GALNTL6: variants seen among roughly 807,000 people sequenced by gnomAD.
GALNTL6 encodes the protein polypeptide N-acetylgalactosaminyltransferase like 6, also known as polypeptide N-acetylgalactosaminyltransferase-like 6.
A neutral mutation model predicts 73.7 loss-of-function variants in GALNTL6; 46 were observed. The observed-to-expected ratio is 0.62, with a 90% CI of 0.49 to 0.80. The LOEUF (loss-of-function observed/expected upper bound fraction) is 0.80. Ranked by LOEUF, GALNTL6 falls within the 30% of genes least tolerant of loss-of-function variation. The pLI is 0.00. For synonymous variants in GALNTL6, 259 were observed against 263.7 expected, an observed-to-expected ratio of 0.98 and a Z score of 0.17; for missense variants, 604 against 755.0, an observed-to-expected ratio of 0.80 and a Z score of 2.34.
chr4:172,553,439 C>G (rs1736035123), intron 5 of GALNTL6, among the ~76,000 whole-genome samples: 1 of 152,112 alleles, frequency 6.6e-6, no homozygotes, highest in African/African-American at 2.4e-5. Context: ...GCCAGTTGTT[C>G]ATAAATGTCT....
At chr4:172,696,791 G>A (rs758216349) in intron 5 of GALNTL6, among the ~76,000 whole-genome samples, 1 of 152,100 alleles carries the variant, frequency 6.6e-6, no homozygotes, top group Non-Finnish European at 1.5e-5. Flanking sequence ...AGCAGCGTGA[G>A]AACAGACTAA....
At chr4:172,705,221 T>TTTTTG (rs1553975294) in intron 5 of GALNTL6, among the ~76,000 whole-genome samples, 1 of 147,362 alleles carries the variant, frequency 6.8e-6, no homozygotes, top group African/African-American at 2.7e-5. Flanking sequence ...CTATTTTTTT[T>TTTTTG]TTGTTTTATG....
intron 5 of GALNTL6, among the ~76,000 whole-genome samples, chr4:172,514,314 G>C (rs767292590): frequency 6.6e-6 from 1 of 152,138 alleles, no homozygotes; most frequent in Non-Finnish European, 1.5e-5. Context: ...TATGTTCCCA[G>C]GGGGATTATG....
chr4:172,865,713 C>T (rs146039246), intron 7 of GALNTL6, among the ~76,000 whole-genome samples: 7 of 152,230 alleles, frequency 4.6e-5, no homozygotes, highest in South Asian at 2.1e-4. Flanking sequence ...GCTTCTGTCA[C>T]GTGATTTTGT....
intron 5 of GALNTL6, among the ~76,000 whole-genome samples, chr4:172,758,331 T>G (rs1169146098): frequency 1.3e-5 from 2 of 152,186 alleles, no homozygotes. Flanking sequence ...GGTCAGGAGT[T>G]GGAGACTAGC....
intron 10 of GALNTL6, among the ~76,000 whole-genome samples, chr4:173,007,678 C>T (rs145608313): frequency 0.022 from 3,308 of 152,210 alleles, 60 homozygotes; most frequent in African/African-American, 0.048. Context: ...TGGTGGCACA[C>T]GCCTGTAATC....
At chr4:172,624,257 G>C (rs138865113) in intron 5 of GALNTL6, among the ~76,000 whole-genome samples, 139 of 152,000 alleles carry the variant, frequency 9.1e-4, no homozygotes, top group African/African-American at 3.0e-3. Context: ...CTTTTTTGTT[G>C]TTGTTTTTGT....
chr4:172,404,162 AGGTT>A (rs1744133737), intron 5 of GALNTL6, among the ~76,000 whole-genome samples: 1 of 151,998 alleles, frequency 6.6e-6, no homozygotes, highest in Admixed American at 6.6e-5. Flanking sequence ...CCTTAAAATA[AGGTT>A]GCCAGATGAA....
intron 5 of GALNTL6, among the ~76,000 whole-genome samples, chr4:172,750,161 A>G (rs1235997273): frequency 7.9e-5 from 12 of 152,188 alleles, no homozygotes; most frequent in Non-Finnish European, 1.6e-4. Flanking sequence ...ATACTTCTGT[A>G]TATTTGTCTC....
intron 2 of GALNTL6, among the ~76,000 whole-genome samples, chr4:172,112,685 C>CAA (rs1396825047): frequency 1.3e-5 from 2 of 151,834 alleles, no homozygotes; most frequent in Non-Finnish European, 1.5e-5. Flanking sequence ...TTGTGTTCCC[C>CAA]CAAAATCCAT....
intron 3 of GALNTL6, among the ~76,000 whole-genome samples, chr4:172,288,333 C>T (rs1007859790): frequency 1.3e-5 from 2 of 152,004 alleles, no homozygotes; most frequent in East Asian, 1.9e-4. Flanking sequence ...CCTCGTGATC[C>T]GCCTGCCTCG....
In GALNTL6 at chr4:172,550,293, C is replaced by T. The variant is rs1055358626; in HGVS notation, c.553+201604C>T. ...CTCCCATTGATAGTGTGAGAGTTCC[C>T]GCTTTCTCATACCCTCACCACAAAG... On this transcript the variant is annotated intron_variant, in intron 5 of 12. Transcript: ENST00000506823. Among the ~76,000 whole-genome samples, 7 of 152,118 alleles carry T rather than the reference C, an allele frequency of 4.6e-5. 1 individual carries two copies. In the East Asian group the frequency reaches 5.8e-4, roughly 13 times the overall value.
intron 4 of GALNTL6, among the ~76,000 whole-genome samples, chr4:172,313,553 T>G (rs1221980317): frequency 1.3e-5 from 2 of 152,236 alleles, no homozygotes; most frequent in African/African-American, 2.4e-5. Context: ...AAAAACTATT[T>G]TTAGTGTGAA....
intron 8 of GALNTL6, among the ~76,000 whole-genome samples, chr4:172,894,369 T>G (rs146568384): frequency 1.4e-3 from 218 of 152,334 alleles, no homozygotes; most frequent in African/African-American, 4.9e-3. Context: ...CTGCTTTTGC[T>G]GTATCCCATA....
intron 3 of GALNTL6, among the ~76,000 whole-genome samples, chr4:172,290,297 G>A (rs190651083): frequency 3.3e-5 from 5 of 152,178 alleles, no homozygotes; most frequent in South Asian, 4.1e-4. Context: ...GTATGAGACC[G>A]AACCATATTT....
chr4:171,957,733 G>A (rs1739093575), intron 2 of GALNTL6, among the ~76,000 whole-genome samples: 1 of 152,126 alleles, frequency 6.6e-6, no homozygotes, highest in South Asian at 2.1e-4. Context: ...TGACTCATAA[G>A]AAGTCAACAG....
intron 2 of GALNTL6, among the ~76,000 whole-genome samples, chr4:171,999,399 C>T (rs767092801): frequency 8.5e-5 from 13 of 152,090 alleles, no homozygotes; most frequent in Non-Finnish European, 1.6e-4. Context: ...GTGCTATTTC[C>T]GGGGAGGTTG....
chr4:172,543,200 C>T (rs1177449774), intron 5 of GALNTL6, among the ~76,000 whole-genome samples: 1 of 152,154 alleles, frequency 6.6e-6, no homozygotes, highest in Non-Finnish European at 1.5e-5. Context: ...AGAAATCCCA[C>T]CCTTTTCTAT....
At chr4:172,349,363 CGAA>C (rs1741864023) in intron 5 of GALNTL6, among the ~76,000 whole-genome samples, 1 of 151,518 alleles carries the variant, frequency 6.6e-6, no homozygotes, top group African/African-American at 2.4e-5. Flanking sequence ...TTTTATTGCA[CGAA>C]GGAGCTACAC....
Sources: allele counts gnomAD v4.1 joint callset (sites outside exome capture counted in the v4.1 genomes callset), GRCh38; gene constraint gnomAD v4.1.1; transcripts MANE v1.5; gene names NCBI Gene and HGNC (gene_info 2026-07-23, HGNC 2026-07-21).